ANKRD62: variants seen among roughly 807,000 people sequenced by gnomAD.
ANKRD62 encodes the protein ankyrin repeat domain-containing protein 62.
In ANKRD62, 61 loss-of-function variants were observed where a neutral mutation model predicts 98.8. The observed-to-expected ratio is 0.62, with a 90% confidence interval of 0.50 to 0.76. ANKRD62 has a LOEUF of 0.76. Ranked by LOEUF, ANKRD62 falls within the 30% of genes least tolerant of loss-of-function variation. The probability of loss-of-function intolerance (pLI) is 0.00; values close to 1 mark genes in which losing one functional copy is unlikely to be tolerated. For missense variants in ANKRD62, 933 were observed against 1,082.9 expected, an observed-to-expected ratio of 0.86 and a Z score of 1.94; for synonymous variants, 341 against 367.9, an observed-to-expected ratio of 0.93 and a Z score of 0.84.
rs150818661 is a variant in ANKRD62, at chr18:12,105,401, G to A, written c.892-1894G>A. Among the ~76,000 whole-genome samples, 74 of 152,246 alleles carry A rather than the reference G, an allele frequency of 4.9e-4. 1 individual carries two copies. In the East Asian group the frequency reaches 0.013, roughly 26 times the overall value. ...ATACAAAGACTTAAGAATGAGGCAC[G>A]CATATTACAACTAGAGTTCCAGCCC... On this transcript the variant is annotated intron_variant, in intron 7 of 13. Coordinates refer to ENST00000587848, the MANE Select transcript of ANKRD62 (RefSeq NM_001277333.2).
At position 12,097,937 on chromosome 18, in the gene ANKRD62, G is replaced by C. The variant is rs545897841; in HGVS notation, c.752+160G>C. ...CAGCCAGAAATCAAGCATAAGACTA[G>C]ACAAGTTAGAAGTAGCAATGAGTGT... On this transcript the variant is annotated intron_variant, in intron 5 of 13. Coordinates refer to ENST00000587848, the MANE Select transcript of ANKRD62 (RefSeq NM_001277333.2). 2.0e-5 allele frequency among the ~76,000 whole-genome samples: 3 copies of C among 152,296 alleles called. No homozygotes were observed. The South Asian group carries it at 6.2e-4, about 32-fold the overall frequency.
chr18:12,116,099 A>G (rs574573954), intron 10 of ANKRD62, among the ~76,000 whole-genome samples: 31 of 152,286 alleles, frequency 2.0e-4, no homozygotes, highest in African/African-American at 7.5e-4. Context: ...GTGAGGTATA[A>G]CTGATACATG....
At position 12,120,866 on chromosome 18, in the gene ANKRD62, A is replaced by G. The variant is rs576193611; in HGVS notation, c.1241-1437A>G. 2.0e-5 allele frequency among the ~76,000 whole-genome samples: 3 copies of G among 152,300 alleles called. No individual in the cohort carries two copies. In the South Asian group the frequency reaches 6.2e-4, roughly 32 times the overall value. On this transcript the variant is annotated intron_variant, in intron 10 of 13. Transcript: ENST00000587848. ...TCACAGTCTACCTTCAAGTAATGTT[A>G]TACCACATCATAGATGGTATAAGAA...
At chr18:12,109,122 G>A (rs1909479338) in intron 8 of ANKRD62, among the ~76,000 whole-genome samples, 2 of 152,196 alleles carry the variant, frequency 1.3e-5, no homozygotes, top group Non-Finnish European at 1.5e-5. Flanking sequence ...TGCCCCATTG[G>A]CAACTCTTTT....
chr18:12,145,328 G>C, the ANKRD62 span, among the ~76,000 whole-genome samples: 1 of 152,168 alleles, frequency 6.6e-6, no homozygotes, highest in Non-Finnish European at 1.5e-5. Context: ...AAAATGCAAT[G>C]GCTAAGCTGC....
rs1217579350 is a variant in ANKRD62 at position 12,127,997 on chromosome 18, G to A, written c.*58G>A. ...TAGTTTCAGTGGAGAGCTTTCTTTT[G>A]TATTTTCATTATAATTAATTTTATT... is the stretch of plus-strand genomic sequence containing the variant. On this transcript the variant is annotated 3_prime_UTR_variant, in exon 14 of 14. Transcript: ENST00000587848. 2.0e-6 allele frequency: 2 copies of A among 1,016,678 alleles called. No individual in the cohort carries two copies. The highest frequency in any genetic ancestry group is 3.3e-5 in the African/African-American group (2 of 59,880). 63.0% of individuals were successfully genotyped at this position (1,016,678 alleles called of 1,614,324 possible).
At chr18:12,168,896 A>T in the ANKRD62 span, among the ~76,000 whole-genome samples, 1 of 152,182 alleles carries the variant, frequency 6.6e-6, no homozygotes, top group Non-Finnish European at 1.5e-5. Context: ...TCTTTGAAGC[A>T]ACTGTGAATG....
chr18:12,105,564 G>T (rs537682633), intron 7 of ANKRD62, among the ~76,000 whole-genome samples: 2 of 152,182 alleles, frequency 1.3e-5, no homozygotes, highest in South Asian at 4.1e-4. Flanking sequence ...AAAGAAAAAA[G>T]AAAAGTTCAG....
the ANKRD62 span, among the ~76,000 whole-genome samples, chr18:12,170,115 G>A: frequency 6.6e-6 from 1 of 152,056 alleles, no homozygotes; most frequent in Non-Finnish European, 1.5e-5. Context: ...AGGGTTTTTT[G>A]TATCTCTATC....
the ANKRD62 span, among the ~76,000 whole-genome samples, chr18:12,163,124 A>C: frequency 6.6e-6 from 1 of 152,064 alleles, no homozygotes; most frequent in Non-Finnish European, 1.5e-5. Context: ...CATTTTAACA[A>C]CATTGTCTCT....
intron 10 of ANKRD62, among the ~76,000 whole-genome samples, chr18:12,117,349 G>C (rs890463289): frequency 6.6e-6 from 1 of 152,182 alleles, no homozygotes; most frequent in Non-Finnish European, 1.5e-5. Flanking sequence ...CATTGACGAA[G>C]ACAAAAAGCT....
chr18:12,139,507 G>A, the ANKRD62 span, among the ~76,000 whole-genome samples: 50 of 152,166 alleles, frequency 3.3e-4, no homozygotes, highest in African/African-American at 1.1e-3. Flanking sequence ...TGAGCCGGAC[G>A]TGGTGGCAGG....
downstream of ANKRD62, among the ~76,000 whole-genome samples, chr18:12,130,732 G>A (rs150955777): frequency 2.0e-5 from 3 of 151,064 alleles, no homozygotes; most frequent in East Asian, 1.9e-4. Context: ...TTGATCTGTC[G>A]CCCAGACTGG....
Position 12,107,371 on chromosome 18 carries a change from AT to A in ANKRD62, c.970del (p.Tyr324IlefsTer8). 6.6e-7 allele frequency: 1 copy of A among 1,526,320 alleles called. No individual in the cohort carries two copies. Among genetic ancestry groups the A allele is most frequent in the Non-Finnish European group, 8.8e-7 (1 of 1,142,396 alleles). The allele number at this position is 1,526,320 out of a possible 1,614,324, so 94.5% of individuals were successfully genotyped here. A position where few individuals can be genotyped will look rare whatever the true frequency, so the allele number is the denominator to read the frequency against. On this transcript the variant is annotated frameshift_variant, in exon 8 of 14. Transcript: ENST00000587848. LOFTEE classifies it high-confidence loss of function. ...SRNVHADDSD[N>X]YNDDVDELIH... ...AACGTACATGCTGATGACAGTGACA[AT>A]TATAATGATGATGTTGATGAATTAA...
the ANKRD62 span, among the ~76,000 whole-genome samples, chr18:12,169,817 G>T: frequency 1.3e-5 from 2 of 152,242 alleles, no homozygotes; most frequent in Admixed American, 1.3e-4. Flanking sequence ...GCCTGTTATT[G>T]GTCTATTCAG....
At position 12,107,370 on chromosome 18, in the gene ANKRD62, A is replaced by G. The variant is rs759503600; in HGVS notation, c.967A>G (p.Asn323Asp). 69 of 1,526,044 alleles carry G rather than the reference A, an allele frequency of 4.5e-5. No homozygotes were observed. The highest frequency in any genetic ancestry group is 5.9e-5 in the Non-Finnish European group (67 of 1,142,334). 94.5% of individuals were successfully genotyped at this position (1,526,044 alleles called of 1,614,324 possible). ...AAACGTACATGCTGATGACAGTGAC[A>G]ATTATAATGATGATGTTGATGAATT... is the stretch of plus-strand genomic sequence containing the variant. ...SRNVHADDSD[N>D]YNDDVDELIH... The change falls in exon 8 of 14, where the codon AAT (asparagine) becomes GAT (aspartate). Residue 323 changes from asparagine (N) to aspartate (D), a missense_variant. By Grantham distance (23) the Asn-to-Asp change is conservative. Transcript: ENST00000587848.
chr18:12,115,613 A>G (rs1224306206), intron 10 of ANKRD62, 79 bp downstream of exon 10: 1 of 1,273,566 alleles, frequency 7.9e-7, no homozygotes, highest in East Asian at 2.6e-5. Flanking sequence ...ACGGCACCAT[A>G]GAACACTGAT....
Position 12,125,526 on chromosome 18 carries a change from G to T in ANKRD62, c.1705G>T (p.Ala569Ser). ...AAATCACTTGATGCGGGATGAAATT[G>T]CCAGACTCAGGCTGGAAATAGACAC... ...QENHLMRDEIARLRLEIDTIK... is the reference protein window; with the variant it reads ...QENHLMRDEISRLRLEIDTIK... Residue 569 changes from alanine (A) to serine (S), a missense_variant, in exon 13 of 14, where the codon GCC (alanine) becomes TCC (serine). Coordinates refer to ENST00000587848, the MANE Select transcript of ANKRD62 (RefSeq NM_001277333.2). 6.6e-7 allele frequency: 1 copy of T among 1,507,058 alleles called. No homozygotes were observed. The allele number at this position is 1,507,058 out of a possible 1,614,324, so 93.4% of individuals were successfully genotyped here.
Position 12,095,164 on chromosome 18 carries a change from C to G in ANKRD62, c.219-7C>G. The G allele has an allele frequency of 6.5e-7, 1 of 1,535,720 alleles. No homozygotes were observed. The highest frequency in any genetic ancestry group is 2.4e-5 in the East Asian group (1 of 40,914). On this transcript the variant is annotated splice_polypyrimidine_tract_variant and splice_region_variant and intron_variant, in intron 1 of 13. Coordinates refer to ENST00000587848, the MANE Select transcript of ANKRD62 (RefSeq NM_001277333.2). ...CAATTGCCTAAAGCGACCTCTCATTCTCACAGGACTGCTCTACTTTTGGCG... is the reference window on the plus strand; with the variant it reads ...CAATTGCCTAAAGCGACCTCTCATTGTCACAGGACTGCTCTACTTTTGGCG...
Sources: gnomAD v4.1 joint callset for allele counts (sites outside exome capture counted in the v4.1 genomes callset) on GRCh38, gnomAD v4.1.1 for gene constraint, MANE v1.5 for transcripts, NCBI Gene and HGNC (gene_info 2026-07-23, HGNC 2026-07-21) for gene names.